SLC49A3: variants seen among roughly 807,000 people sequenced by gnomAD.
SLC49A3 encodes solute carrier family 49 member 3.
Under a neutral mutation model 43.8 loss-of-function variants are expected in SLC49A3, and 50 were observed. The observed-to-expected ratio is 1.14, with a 90% CI of 0.91 to 1.45. SLC49A3 has a LOEUF of 1.45. SLC49A3 is among the 40% of genes most tolerant of loss of function. The pLI is 0.00. For synonymous variants in SLC49A3, 413 were observed against 352.0 expected, an observed-to-expected ratio of 1.17 and a Z score of -1.94; for missense variants, 906 against 774.1, an observed-to-expected ratio of 1.17 and a Z score of -2.02.
chr4:679,081 C>T (rs745456020), downstream of SLC49A3: 10 of 1,478,112 alleles, frequency 6.8e-6, no homozygotes, highest in Admixed American at 9.2e-5. Flanking sequence ...GAGGCGAACA[C>T]AGAGGTCCTC....
At position 683,673 on chromosome 4, in the gene SLC49A3, T is replaced by C; in HGVS notation, c.929A>G (p.His310Arg). 1 of 1,610,728 alleles carries C rather than the reference T, an allele frequency of 6.2e-7. No individual in the cohort carries two copies. The highest frequency in any genetic ancestry group is 8.5e-7 in the Non-Finnish European group (1 of 1,179,006). Residue 310 changes from histidine (H) to arginine (R), a missense_variant, in exon 7 of 10, where the codon CAC (histidine) becomes CGC (arginine). Physicochemically the swap from His to Arg is conservative, Grantham distance 29. Transcript: ENST00000322224. ...GCCAATCTTGGTGGCCTCAGTGAAGTGCTTGGTCCGGTCCACATAGGGGCC... is the reference window on the plus strand; with the variant it reads ...GCCAATCTTGGTGGCCTCAGTGAAGCGCTTGGTCCGGTCCACATAGGGGCC... ...ALGPYVDRTK[H>R]FTEATKIGLC...
intron 8 of SLC49A3, 82 bp from the exon 9 acceptor site, chr4:682,972 G>T: frequency 7.7e-7 from 1 of 1,293,584 alleles, no homozygotes. Flanking sequence ...GTTGACATCG[G>T]TGCTGTCCCT....
chr4:687,903 G>A (rs1741371903), intron 1 of SLC49A3: 1 of 152,212 alleles, frequency 6.6e-6, no homozygotes, highest in Non-Finnish European at 1.5e-5. Flanking sequence ...TGAACATGGT[G>A]CTTACGGCTC....
downstream of SLC49A3, chr4:679,251 C>G: frequency 1.5e-6 from 1 of 669,030 alleles, no homozygotes. Context: ...GGTGGGACAG[C>G]CCAAGCCTGG....
chr4:682,981 C>T (rs1740117051), intron 8 of SLC49A3, 91 bp from the exon 9 acceptor site: 1 of 1,234,068 alleles, frequency 8.1e-7, no homozygotes, highest in Non-Finnish European at 1.1e-6. Context: ...GGTGCTGTCC[C>T]TTGTGCCACC....
At chr4:680,001 T>G (rs754671015), downstream of SLC49A3, 1 of 1,613,062 alleles carries the variant, frequency 6.2e-7, no homozygotes, top group African/African-American at 1.3e-5. Flanking sequence ...CTGAACCTGT[T>G]TGGGGAGAAG....
chr4:680,402 G>C, downstream of SLC49A3: 1 of 1,169,312 alleles, frequency 8.6e-7, no homozygotes, highest in Non-Finnish European at 1.3e-6. Flanking sequence ...GCAGAGGCTT[G>C]GAGTCTCCCC....
rs1423268279 is a variant in SLC49A3, at chr4:685,722, GACGGGAATCACACACGGGCACAGGA to G, written c.585+88_585+112del. The G allele has an allele frequency of 2.6e-6, 3 of 1,151,882 alleles. No homozygotes were observed. In the African/African-American group the frequency reaches 4.6e-5, roughly 18 times the overall value. The allele number at this position is 1,151,882 out of a possible 1,614,324, so 71.4% of individuals were successfully genotyped here. On this transcript the variant is annotated intron_variant, in intron 4 of 9. Coordinates refer to ENST00000322224, the MANE Select transcript of SLC49A3 (RefSeq NM_032219.4). This position sits in a 1 kb window ranked among gnomAD's most constrained non-coding sequence, Gnocchi z 4.3. ...CTCCTTCTCGGGTGGCGGGGCGGGG[GACGGGAATCACACACGGGCACAGGA>G]ACACGGACACACTTGGGATCAGGAA...
downstream of SLC49A3, chr4:678,140 C>G: frequency 6.4e-7 from 1 of 1,555,286 alleles, no homozygotes; most frequent in Non-Finnish European, 8.7e-7. Context: ...CGTGTGAATG[C>G]AGGTGTGGGC....
chr4:686,019 C>T, intron 3 of SLC49A3, 70 bp downstream of exon 3: 1 of 1,606,730 alleles, frequency 6.2e-7, no homozygotes, highest in South Asian at 1.1e-5. Context: ...GCCAGAGAGC[C>T]TGGGGAGCCG....
chr4:686,766 G>A (rs1174287707), intron 1 of SLC49A3, 76 bp from the exon 2 acceptor site: 5 of 1,540,316 alleles, frequency 3.2e-6, no homozygotes, highest in Middle Eastern at 1.9e-4. Flanking sequence ...CCAGCCCGAG[G>A]GGGTCAGAGT....
intron 1 of SLC49A3, among the ~76,000 whole-genome samples, chr4:687,643 G>A (rs556147888): frequency 7.2e-5 from 11 of 152,346 alleles, no homozygotes; most frequent in South Asian, 6.2e-4. Context: ...GAAGAGATGC[G>A]TCTGAAGCGT....
downstream of SLC49A3, chr4:679,221 T>C: frequency 1.4e-6 from 1 of 701,964 alleles, no homozygotes; most frequent in African/African-American, 1.7e-5. Flanking sequence ...GCAGAGAGCA[T>C]CCCAGGGTGA....
rs770991156 is a variant in SLC49A3 at position 689,059 on chromosome 4, G to T, written c.69C>A (p.His23Gln). The change falls in exon 1 of 10, where the codon CAC becomes CAA. Residue 23 changes from histidine (H) to glutamine (Q), a missense_variant. By Grantham distance (24) the His-to-Gln change is conservative. Transcript: ENST00000322224. ...ACACCCAGCGGCGCGCGTAGGTGCG[G>T]TGGCCCCGCTGCGCGCACAGGGCCC... is the stretch of plus-strand genomic sequence containing the variant. ...EPRALCAQRG[H>Q]RTYARRWVFL... The T allele has an allele frequency of 2.5e-6, 4 of 1,579,510 alleles. No homozygotes were observed. Among genetic ancestry groups the T allele is most frequent in the Non-Finnish European group, 3.4e-6 (4 of 1,167,144 alleles).
chr4:684,444 T>C, intron 6 of SLC49A3, 39 bp downstream of exon 6: 2 of 1,608,724 alleles, frequency 1.2e-6, no homozygotes, highest in East Asian at 2.2e-5. Flanking sequence ...ATGGGGCGGA[T>C]GACAGAGGCA....
Position 686,140 on chromosome 4 carries a change from AG to A in SLC49A3, c.456del (p.Leu153CysfsTer42). On this transcript the variant is annotated frameshift_variant, in exon 3 of 10. Coordinates refer to ENST00000322224, the MANE Select transcript of SLC49A3 (RefSeq NM_032219.4). LOFTEE classifies it high-confidence loss of function. ...GCTCGCTGGTGCTCTGGGAACCACA[AG>A]GCAGCCAGCTTGGCTGGAGAGAAGA... Reference protein sequence around the residue: ...LVIFSPAKLAALWFPEHQRAT... With the variant: ...LVIFSPAKLAXLWFPEHQRAT... 2.5e-6 allele frequency: 4 copies of A among 1,613,250 alleles called. No individual in the cohort carries two copies. The highest frequency in any genetic ancestry group is 3.4e-6 in the Non-Finnish European group (4 of 1,179,966).
In SLC49A3 at chr4:682,044, T is replaced by G. The variant is rs764420814; in HGVS notation, c.1594A>C (p.Arg532=). The change falls in exon 10 of 10, where the codon AGA becomes CGA. Residue 532 remains arginine (R), a synonymous_variant. Transcript: ENST00000322224. ...AATDAPSRPG[R]LAGRVQASRF... Reference sequence around the variant, plus strand: ...GACGCTTGGACCCTGCCTGCGAGTCTGCCGGGGCGGGAGGGCGCGTCGGTG... The same window carrying G: ...GACGCTTGGACCCTGCCTGCGAGTCGGCCGGGGCGGGAGGGCGCGTCGGTG... The G allele has an allele frequency of 7.0e-7, 1 of 1,421,096 alleles. No homozygotes were observed. The highest frequency in any genetic ancestry group is 2.6e-5 in the Admixed American group (1 of 37,860). The allele number at this position is 1,421,096 out of a possible 1,614,324, so 88.0% of individuals were successfully genotyped here.
intron 7 of SLC49A3, 115 bp downstream of exon 7, chr4:683,494 A>C (rs1560167180): frequency 6.7e-7 from 1 of 1,495,390 alleles, no homozygotes; most frequent in Non-Finnish European, 9.0e-7. Context: ...TGGCTGGCAG[A>C]GGCTGGGCAT....
chr4:678,562 C>T, downstream of SLC49A3: 1 of 1,504,420 alleles, frequency 6.6e-7, no homozygotes, highest in Middle Eastern at 2.2e-4. Context: ...GGCTGAGGTC[C>T]ACCCTTCATC....
Sources: gnomAD v4.1 joint callset for allele counts (sites outside exome capture counted in the v4.1 genomes callset) on GRCh38, gnomAD v4.1.1 for gene constraint, Gnocchi (gnomAD v3.1) non-coding constraint, MANE v1.5 for transcripts, NCBI Gene and HGNC (gene_info 2026-07-23, HGNC 2026-07-21) for gene names.